METTL15: variants seen among roughly 807,000 people sequenced by gnomAD.
METTL15 encodes the protein methyltransferase 15, mitochondrial 12S rRNA N4-cytidine, also known as 12S rRNA N(4)-cytidine methyltransferase METTL15.
Under a neutral mutation model 38.3 loss-of-function variants are expected in METTL15, and 34 were observed. That is an observed-to-expected ratio of 0.89 (90% CI 0.68 to 1.18). The LOEUF (loss-of-function observed/expected upper bound fraction) is 1.18. METTL15 is among the 50% of genes most tolerant of loss of function. The pLI, the probability that METTL15 is intolerant of heterozygous loss-of-function variation, is 0.00. For missense variants in METTL15, 438 were observed against 498.4 expected (o/e 0.88, Z 1.15); for synonymous variants, 162 against 170.9 (o/e 0.95, Z 0.41).
At chr11:28,213,781 G>A (rs1398008642) in intron 4 of METTL15, among the ~76,000 whole-genome samples, 9 of 150,614 alleles carry the variant, frequency 6.0e-5, no homozygotes, top group Non-Finnish European at 4.4e-5. Flanking sequence ...TCAGCCTCCC[G>A]AGTAGCTGGG....
intron 3 of METTL15, among the ~76,000 whole-genome samples, chr11:28,339,444 G>A (rs531958392): frequency 6.6e-6 from 1 of 151,230 alleles, no homozygotes; most frequent in African/African-American, 2.4e-5. Context: ...TGGTTTAAGA[G>A]CAGATTAGAC....
chr11:28,122,764 G>C lies in METTL15; in HGVS notation c.270+9160G>C, dbSNP rs1244631966. ...ATATATAATTCTCTTTATTTGAATTGTGAAGCAAATTATTACTAGGACATC... is the reference window on the plus strand; with the variant it reads ...ATATATAATTCTCTTTATTTGAATTCTGAAGCAAATTATTACTAGGACATC... On this transcript the variant is annotated intron_variant, in intron 3 of 6. Coordinates refer to ENST00000407364, the MANE Select transcript of METTL15 (RefSeq NM_001113528.2). Among the ~76,000 whole-genome samples the C allele has an allele frequency of 2.0e-5, 3 of 151,580 alleles. No individual in the cohort carries two copies. The East Asian group carries it at 5.8e-4, about 29-fold the overall frequency.
chr11:28,242,261 T>C (rs565818237), intron 4 of METTL15, among the ~76,000 whole-genome samples: 1 of 152,300 alleles, frequency 6.6e-6, no homozygotes, highest in Admixed American at 6.5e-5. Flanking sequence ...TATATTTAGG[T>C]TTATTGGTTT....
At chr11:28,451,112 T>G (rs1475606670) in intron 6 of METTL15, among the ~76,000 whole-genome samples, 2 of 152,110 alleles carry the variant, frequency 1.3e-5, no homozygotes, top group African/African-American at 2.4e-5. Context: ...TTATGCTCAT[T>G]TAAGCAAAAA....
intron 4 of METTL15, among the ~76,000 whole-genome samples, chr11:28,243,232 T>C (rs761159064): frequency 5.9e-5 from 9 of 152,114 alleles, no homozygotes; most frequent in Non-Finnish European, 7.4e-5. Flanking sequence ...TTTAACAGTC[T>C]CCCAGCAGCA....
chr11:28,365,459 TA>T (rs1412127096), intron 5 of METTL15, among the ~76,000 whole-genome samples: 1 of 152,322 alleles, frequency 6.6e-6, no homozygotes, highest in South Asian at 2.1e-4. Context: ...TTTGTGTGCA[TA>T]AAAGTGTTTA....
At chr11:28,270,613 C>T (rs891690925) in intron 4 of METTL15, among the ~76,000 whole-genome samples, 3 of 152,120 alleles carry the variant, frequency 2.0e-5, no homozygotes, top group African/African-American at 4.8e-5. Context: ...CATTCTGAGT[C>T]AGTTATCTGA....
intron 3 of METTL15, among the ~76,000 whole-genome samples, chr11:28,202,021 G>A (rs1852135343): frequency 6.6e-6 from 1 of 152,128 alleles, no homozygotes; most frequent in Non-Finnish European, 1.5e-5. Context: ...TAGAAGTTTA[G>A]ACTCTATCCT....
At chr11:28,121,593 C>T (rs2133607465) in intron 3 of METTL15, among the ~76,000 whole-genome samples, 1 of 152,166 alleles carries the variant, frequency 6.6e-6, no homozygotes, top group East Asian at 1.9e-4. Context: ...TTATAGTACA[C>T]ATTTTAGAAG....
downstream of METTL15, among the ~76,000 whole-genome samples, chr11:28,530,705 A>G (rs75726712): frequency 7.9e-3 from 1,197 of 151,742 alleles, 22 homozygotes; most frequent in African/African-American, 0.027. Context: ...GAGATTTAGA[A>G]TTTTTTTTTC....
At chr11:28,166,318 A>G (rs922531827) in intron 3 of METTL15, among the ~76,000 whole-genome samples, 10 of 152,278 alleles carry the variant, frequency 6.6e-5, no homozygotes, top group South Asian at 2.1e-4. Context: ...ATTCTCTGCT[A>G]TTAGTGCCTG....
intron 4 of METTL15, among the ~76,000 whole-genome samples, chr11:28,228,064 A>G (rs566611500): frequency 6.6e-6 from 1 of 151,988 alleles, no homozygotes; most frequent in South Asian, 2.1e-4. Flanking sequence ...CTTCTGACTT[A>G]GCCAGTATAA....
chr11:28,208,010 A>C (rs542017767), intron 3 of METTL15, among the ~76,000 whole-genome samples: 13 of 151,660 alleles, frequency 8.6e-5, no homozygotes, highest in African/African-American at 2.7e-4. Flanking sequence ...TTTCTTCTTT[A>C]TTAGTCTTGC....
chr11:28,477,617 G>T (rs895558403), intron 6 of METTL15: 13 of 151,840 alleles, frequency 8.6e-5, no homozygotes, highest in Admixed American at 2.0e-4. Context: ...CCAATATAAG[G>T]ATTTCCCTTA....
chr11:28,185,304 A>T (rs1272560965), intron 3 of METTL15, among the ~76,000 whole-genome samples: 1 of 151,326 alleles, frequency 6.6e-6, no homozygotes, highest in Non-Finnish European at 1.5e-5. Flanking sequence ...ATTTTTTTTT[A>T]AACAATATTT....
chr11:28,144,007 T>C (rs1849793155), intron 3 of METTL15, among the ~76,000 whole-genome samples: 1 of 152,176 alleles, frequency 6.6e-6, no homozygotes, highest in South Asian at 2.1e-4. Flanking sequence ...TGATTGCCTA[T>C]TATGGTCCTT....
chr11:28,428,860 C>A (rs1590370988), intron 6 of METTL15, among the ~76,000 whole-genome samples: 1 of 152,204 alleles, frequency 6.6e-6, no homozygotes, highest in African/African-American at 2.4e-5. Flanking sequence ...CTGTCACTGG[C>A]AGATCCCCTT....
At chr11:28,350,385 A>G (rs975974794) in intron 3 of METTL15, among the ~76,000 whole-genome samples, 3 of 152,234 alleles carry the variant, frequency 2.0e-5, no homozygotes, top group Admixed American at 2.0e-4. Flanking sequence ...TGGTTTTTAA[A>G]TAAACAAAAT....
At chr11:28,234,126 A>G (rs1168413679) in intron 4 of METTL15, among the ~76,000 whole-genome samples, 1 of 152,144 alleles carries the variant, frequency 6.6e-6, no homozygotes, top group Admixed American at 6.5e-5. Flanking sequence ...CCTACAAAGG[A>G]CATGAACTCA....
Sources: gnomAD v4.1 joint callset for allele counts (sites outside exome capture counted in the v4.1 genomes callset) on GRCh38, gnomAD v4.1.1 for gene constraint, MANE v1.5 for transcripts, NCBI Gene and HGNC (gene_info 2026-07-23, HGNC 2026-07-21) for gene names.